Variants in WIPF2 observed in about 807,000 individuals in gnomAD.
WIPF2 encodes the protein WAS/WASL-interacting protein family member 2.
Under a neutral mutation model 38.8 loss-of-function variants are expected in WIPF2, and 23 were observed. That is an observed-to-expected ratio of 0.59 (90% CI 0.43 to 0.84). The LOEUF is 0.84. WIPF2 is among the 40% of genes least tolerant of loss of function. WIPF2 has a pLI of 0.00. For missense variants in WIPF2, 574 were observed against 580.5 expected (o/e 0.99, Z 0.11); for synonymous variants, 210 against 223.2 (o/e 0.94, Z 0.53).
chr17:40,267,250 T>A (rs1033101411), intron 5 of WIPF2, among the ~76,000 whole-genome samples: 3 of 152,152 alleles, frequency 2.0e-5, no homozygotes, highest in Non-Finnish European at 4.4e-5. Flanking sequence ...TAGCATGTTT[T>A]AGGCATGTGC....
At position 40,231,584 on chromosome 17, in the gene WIPF2, C is replaced by T. The variant is rs551828602; in HGVS notation, c.-70+12092C>T. 1.1e-3 allele frequency among the ~76,000 whole-genome samples: 169 copies of T among 152,070 alleles called. 2 individuals are homozygous for T. Among genetic ancestry groups the T allele is most frequent in the African/African-American group, 3.8e-3 (158 of 41,482 alleles). On this transcript the variant is annotated intron_variant, in intron 1 of 7. Transcript: ENST00000323571. ...GATTACAGGTGCCCGCCACCACGCCCAGCTAATTTTTTGTATTTTTAGTAG... is the reference window on the plus strand; with the variant it reads ...GATTACAGGTGCCCGCCACCACGCCTAGCTAATTTTTTGTATTTTTAGTAG...
Position 40,283,724 on chromosome 17 carries a change from ATGTG to A in WIPF2, c.*5503_*5506del, listed in dbSNP as rs1428426599. The A allele has an allele frequency of 1.3e-5, 2 of 152,134 alleles. No homozygotes were observed. Among genetic ancestry groups the A allele is most frequent in the Non-Finnish European group, 2.9e-5 (2 of 68,010 alleles). The allele number at this position is 152,134 out of a possible 1,614,324, so 9.4% of individuals were successfully genotyped here. A position where few individuals can be genotyped will look rare whatever the true frequency, so the allele number is the denominator to read the frequency against. On this transcript the variant is annotated 3_prime_UTR_variant, in exon 8 of 8. Transcript: ENST00000323571. ...GAAGGGTGGGGACAAAGCATACAGA[ATGTG>A]TGTATCTGTTTTTATGTGGGTGTTG...
chr17:40,261,929 C>T (rs1310271879), intron 3 of WIPF2, among the ~76,000 whole-genome samples: 1 of 151,698 alleles, frequency 6.6e-6, no homozygotes, highest in Non-Finnish European at 1.5e-5. Flanking sequence ...CCGCCTCCGC[C>T]TCCGCCTCCC....
chr17:40,263,466 G>A (rs1209470596), intron 4 of WIPF2, among the ~76,000 whole-genome samples: 4 of 151,720 alleles, frequency 2.6e-5, no homozygotes, highest in African/African-American at 9.7e-5. Flanking sequence ...CCCAGGGGTT[G>A]GCGACCCCTT....
At chr17:40,250,386 AT>A (rs2031519919) in intron 1 of WIPF2, among the ~76,000 whole-genome samples, 1 of 149,340 alleles carries the variant, frequency 6.7e-6, no homozygotes, top group Non-Finnish European at 1.5e-5. Context: ...GCCCGCTGCC[AT>A]GCCCGGCTAA....
intron 3 of WIPF2, among the ~76,000 whole-genome samples, chr17:40,261,197 C>T (rs982521660): frequency 7.2e-5 from 11 of 152,236 alleles, no homozygotes; most frequent in African/African-American, 1.2e-4. Flanking sequence ...TTCCTGTAGG[C>T]CTCTGGAGAG....
chr17:40,232,884 C>T (rs1014963709), intron 1 of WIPF2, among the ~76,000 whole-genome samples: 27 of 152,216 alleles, frequency 1.8e-4, no homozygotes, highest in African/African-American at 5.5e-4. Context: ...GTCGTCTGCC[C>T]GCCTCGGCCT....
intron 1 of WIPF2, among the ~76,000 whole-genome samples, chr17:40,244,702 C>T (rs928802998): frequency 3.3e-5 from 5 of 152,146 alleles, no homozygotes; most frequent in African/African-American, 1.2e-4. Context: ...TATAAAGCCT[C>T]AGATTTCATC....
chr17:40,261,932 C>T (rs920602029), intron 3 of WIPF2, among the ~76,000 whole-genome samples: 1 of 146,036 alleles, frequency 6.8e-6, no homozygotes, highest in Non-Finnish European at 1.5e-5. Context: ...CCTCCGCCTC[C>T]GCCTCCCAAA....
Position 40,260,622 on chromosome 17 carries a change from A to C in WIPF2, c.151A>C (p.Lys51Gln). ...LQDICKGTKL[K>Q]KVTNINDRSA... is the part of the protein sequence containing the mutation. The stretch of plus-strand genomic sequence containing the variant: ...GGACATTTGCAAAGGGACCAAGCTG[A>C]AGAAGGTGACCAACATTAATGATCG... Residue 51 changes from lysine to glutamine, a missense_variant, in exon 3 of 8, where the codon AAG becomes CAG. Coordinates refer to ENST00000323571, the MANE Select transcript of WIPF2 (RefSeq NM_133264.5). 6.2e-7 allele frequency: 1 copy of C among 1,613,892 alleles called. No individual in the cohort carries two copies. The highest frequency in any genetic ancestry group is 8.5e-7 in the Non-Finnish European group (1 of 1,179,994).
chr17:40,263,684 A>G (rs1418280655), intron 4 of WIPF2, among the ~76,000 whole-genome samples: 3 of 150,972 alleles, frequency 2.0e-5, no homozygotes, highest in Non-Finnish European at 2.9e-5. Context: ...CTGGGATTAC[A>G]GGCACAGGCC....
At chr17:40,262,503 A>G (rs751900012) in intron 3 of WIPF2, 22 bp from the exon 4 acceptor site, 3 of 1,598,616 alleles carry the variant, frequency 1.9e-6, no homozygotes, top group Non-Finnish European at 1.7e-6. Flanking sequence ...TGAAATGAAA[A>G]CCCTACTGGT....
At chr17:40,219,987 C>T (rs1001861500) in intron 1 of WIPF2, 1 of 152,160 alleles carries the variant, frequency 6.6e-6, no homozygotes, top group African/African-American at 2.4e-5. Context: ...GAAGATGGCT[C>T]GGGAAACTGC....
chr17:40,245,698 C>G (rs1189203965), intron 1 of WIPF2, among the ~76,000 whole-genome samples: 2 of 152,086 alleles, frequency 1.3e-5, no homozygotes, highest in Non-Finnish European at 2.9e-5. Context: ...GGATGTTGAG[C>G]AGCATCCTTG....
At chr17:40,227,932 T>TG (rs1210278972) in intron 1 of WIPF2, among the ~76,000 whole-genome samples, 8 of 151,836 alleles carry the variant, frequency 5.3e-5, no homozygotes, top group Non-Finnish European at 1.0e-4. Context: ...TGTTTTTTTT[T>TG]TTGTTGTTGT....
chr17:40,252,146 A>G (rs931245766), intron 1 of WIPF2, among the ~76,000 whole-genome samples: 3 of 152,154 alleles, frequency 2.0e-5, no homozygotes, highest in Non-Finnish European at 4.4e-5. Context: ...TAACTGTGTA[A>G]TATATTGCTT....
intron 6 of WIPF2, among the ~76,000 whole-genome samples, chr17:40,276,281 G>A (rs1241317831): frequency 1.3e-5 from 2 of 151,978 alleles, no homozygotes; most frequent in East Asian, 1.9e-4. Flanking sequence ...TAATCCCAGC[G>A]CTTTGGGAGG....
chr17:40,233,118 T>C (rs1039349653), intron 1 of WIPF2, among the ~76,000 whole-genome samples: 1 of 152,204 alleles, frequency 6.6e-6, no homozygotes, highest in Non-Finnish European at 1.5e-5. Flanking sequence ...TGCTGCCATT[T>C]GAGTTGAGTC....
At chr17:40,258,885 A>G (rs908359857) in intron 2 of WIPF2, among the ~76,000 whole-genome samples, 1 of 151,188 alleles carries the variant, frequency 6.6e-6, no homozygotes, top group African/African-American at 2.4e-5. Context: ...GGCTCAAGTG[A>G]TCCGCTTGCT....
Sources: gnomAD v4.1 joint callset for allele counts (sites outside exome capture counted in the v4.1 genomes callset) on GRCh38, gnomAD v4.1.1 for gene constraint, MANE v1.5 for transcripts, NCBI Gene and HGNC (gene_info 2026-07-23, HGNC 2026-07-21) for gene names.